CADM2: variants seen among roughly 807,000 people sequenced by gnomAD.
CADM2 encodes the protein cell adhesion molecule 2.
A neutral mutation model predicts 49.8 loss-of-function variants in CADM2; 12 were observed. The observed-to-expected ratio is 0.24, with a 90% CI of 0.15 to 0.39. The LOEUF is 0.39. Ranked by LOEUF, CADM2 falls within the 10% of genes least tolerant of loss-of-function variation. The pLI is 1.00. For synonymous variants in CADM2, 214 were observed against 175.4 expected (o/e 1.22, Z -1.74); for missense variants, 378 against 492.3 (o/e 0.77, Z 2.20).
chr3:85,221,777 A>C (rs2107793146), intron 1 of CADM2, among the ~76,000 whole-genome samples: 1 of 152,252 alleles, frequency 6.6e-6, no homozygotes, highest in African/African-American at 2.4e-5. Context: ...AAGTGTCACT[A>C]ATTCTTTAAG....
At chr3:85,302,825 T>C (rs954292198) in intron 1 of CADM2, among the ~76,000 whole-genome samples, 2 of 151,976 alleles carry the variant, frequency 1.3e-5, no homozygotes, top group African/African-American at 4.8e-5. Flanking sequence ...CAGACTGCCA[T>C]AATAACTGAA....
At chr3:86,035,187 C>T (rs538538335) in intron 8 of CADM2, among the ~76,000 whole-genome samples, 1 of 152,146 alleles carries the variant, frequency 6.6e-6, no homozygotes, top group Admixed American at 6.6e-5. Context: ...GTGTTGTTTT[C>T]TGAGCTCCCT....
chr3:85,931,559 G>T (rs2108528138), intron 6 of CADM2, among the ~76,000 whole-genome samples: 1 of 152,236 alleles, frequency 6.6e-6, no homozygotes, highest in East Asian at 1.9e-4. Context: ...CTTTTAAAAA[G>T]AACATTACAC....
chr3:85,660,880 A>G (rs909720717), intron 1 of CADM2, among the ~76,000 whole-genome samples: 3 of 151,536 alleles, frequency 2.0e-5, no homozygotes, highest in African/African-American at 7.3e-5. Context: ...CGTGACTTCT[A>G]GTCCTTCGAT....
At chr3:85,688,564 CTTTT>C (rs71112107) in intron 1 of CADM2, among the ~76,000 whole-genome samples, 1 of 135,548 alleles carries the variant, frequency 7.4e-6, no homozygotes, top group African/African-American at 2.8e-5. Context: ...TTTATTTATT[CTTTT>C]TTTTTTTTTT....
intron 1 of CADM2, among the ~76,000 whole-genome samples, chr3:85,052,655 A>C (rs2035926420): frequency 6.6e-6 from 1 of 152,108 alleles, no homozygotes; most frequent in Non-Finnish European, 1.5e-5. Flanking sequence ...CATTTTTATA[A>C]GGCAGTTTGC....
At chr3:85,518,436 T>TA (rs1474278733) in intron 1 of CADM2, among the ~76,000 whole-genome samples, 1 of 151,992 alleles carries the variant, frequency 6.6e-6, no homozygotes, top group African/African-American at 2.4e-5. Context: ...TTTTTTTTTT[T>TA]AAATCAAATC....
intron 1 of CADM2, among the ~76,000 whole-genome samples, chr3:85,463,129 T>C (rs916408668): frequency 6.6e-6 from 1 of 152,204 alleles, no homozygotes; most frequent in African/African-American, 2.4e-5. Context: ...TATTTTCAAA[T>C]ACTGATTTAT....
intron 1 of CADM2, among the ~76,000 whole-genome samples, chr3:85,642,114 G>C (rs1032921968): frequency 1.3e-5 from 2 of 151,980 alleles, no homozygotes; most frequent in African/African-American, 4.8e-5. Flanking sequence ...ATAATGGGAG[G>C]CCATTACCCT....
Position 85,359,666 on chromosome 3 carries a change from A to ATATATATTTTTTTTT in CADM2, c.62-366855_62-366854insATATATTTTTTTTTT. 9.0e-4 allele frequency among the ~76,000 whole-genome samples: 24 copies of ATATATATTTTTTTTT among 26,544 alleles called. No homozygotes were observed. The East Asian group carries it at 0.013, about 15-fold the overall frequency. 17.4% of individuals were successfully genotyped at this position (26,544 alleles called of 152,430 possible). A position where few individuals can be genotyped will look rare whatever the true frequency, so the allele number is the denominator to read the frequency against. On this transcript the variant is annotated intron_variant, in intron 1 of 9. Coordinates refer to ENST00000383699, the MANE Select transcript of CADM2 (RefSeq NM_001167675.2). ...TATATATATATATATATATATATAT[A>ATATATATTTTTTTTT]TTTTTTTTTTTGGTGGAGGGGAGAA...
chr3:85,202,733 A>G (rs557455961), intron 1 of CADM2, among the ~76,000 whole-genome samples: 4 of 152,316 alleles, frequency 2.6e-5, no homozygotes, highest in African/African-American at 9.6e-5. Flanking sequence ...GAAGCCAGAC[A>G]TTGACACCTC....
At chr3:85,369,165 G>A (rs1399100748) in intron 1 of CADM2, among the ~76,000 whole-genome samples, 2 of 152,132 alleles carry the variant, frequency 1.3e-5, no homozygotes, top group African/African-American at 4.8e-5. Flanking sequence ...TTATTGCAGT[G>A]AAATTCTGTA....
chr3:85,779,763 A>G (rs1467418896), intron 2 of CADM2, among the ~76,000 whole-genome samples: 1 of 152,196 alleles, frequency 6.6e-6, no homozygotes, highest in African/African-American at 2.4e-5. Context: ...CTATATTCCC[A>G]TCATATGTGT....
intron 3 of CADM2, among the ~76,000 whole-genome samples, chr3:85,875,717 G>A (rs966036084): frequency 9.2e-5 from 14 of 152,184 alleles, no homozygotes; most frequent in African/African-American, 3.4e-4. Context: ...GAGTAAAGCA[G>A]AGTAAGCAAT....
intron 1 of CADM2, among the ~76,000 whole-genome samples, chr3:85,641,615 G>A (rs2064716184): frequency 6.6e-6 from 1 of 152,022 alleles, no homozygotes; most frequent in African/African-American, 2.4e-5. Flanking sequence ...AGAGATATCA[G>A]GTATGAAGGT....
At chr3:85,785,623 C>T (rs2070935342) in intron 2 of CADM2, among the ~76,000 whole-genome samples, 1 of 151,998 alleles carries the variant, frequency 6.6e-6, no homozygotes, top group Admixed American at 6.6e-5. Flanking sequence ...CAGAATGTCA[C>T]CAGCTAGCAG....
At chr3:85,309,304 T>C (rs1203928752) in intron 1 of CADM2, among the ~76,000 whole-genome samples, 1 of 152,130 alleles carries the variant, frequency 6.6e-6, no homozygotes, top group Non-Finnish European at 1.5e-5. Flanking sequence ...AGACAACTTT[T>C]CCACTTATAA....
chr3:85,000,799 A>G (rs1252058808), intron 1 of CADM2, among the ~76,000 whole-genome samples: 1 of 150,976 alleles, frequency 6.6e-6, no homozygotes, highest in East Asian at 1.9e-4. Flanking sequence ...GTATATACAG[A>G]CACAAATACA....
At chr3:85,296,899 G>A (rs893457754) in intron 1 of CADM2, among the ~76,000 whole-genome samples, 4 of 151,974 alleles carry the variant, frequency 2.6e-5, no homozygotes, top group Admixed American at 1.3e-4. Flanking sequence ...CATATTTCTA[G>A]TTTCTCAGCT....
Sources: gnomAD v4.1 joint callset for allele counts (sites outside exome capture counted in the v4.1 genomes callset) on GRCh38, gnomAD v4.1.1 for gene constraint, MANE v1.5 for transcripts, NCBI Gene and HGNC (gene_info 2026-07-23, HGNC 2026-07-21) for gene names.